Variants in CARD9 observed in about 807,000 individuals in gnomAD.
CARD9 encodes caspase recruitment domain family member 9.
CARD9 carries 53 observed loss-of-function variants against 66.0 expected under a neutral mutation model. The observed-to-expected ratio is 0.80, with a 90% CI of 0.64 to 1.01. CARD9 has a LOEUF of 1.01. Among genes scored for constraint, CARD9 ranks in the 50% least tolerant of loss-of-function variants. The probability of loss-of-function intolerance (pLI) is 0.00; values close to 1 mark genes in which losing one functional copy is unlikely to be tolerated. For synonymous variants in CARD9, 387 were observed against 313.8 expected (o/e 1.23, Z -2.47); for missense variants, 769 against 743.2 (o/e 1.03, Z -0.40).
At chr9:136,366,560 C>T in intron 10 of CARD9, 2 of 583,090 alleles carry the variant, frequency 3.4e-6, no homozygotes, top group Non-Finnish European at 6.1e-6. Context: ...GACCCCCACA[C>T]TCTCCACCCC....
chr9:136,371,801 T>C (rs1033214202), intron 2 of CARD9, 94 bp downstream of exon 2: 1 of 1,525,390 alleles, frequency 6.6e-7, no homozygotes, highest in Non-Finnish European at 8.8e-7. Context: ...GGGGCTCTCC[T>C]GGGGTTGAGG....
Position 136,370,859 on chromosome 9 carries a change from G to C in CARD9, c.609C>G (p.Asn203Lys), listed in dbSNP as rs780444469. 6.3e-7 allele frequency: 1 copy of C among 1,599,596 alleles called. No homozygotes were observed. Among genetic ancestry groups the C allele is most frequent in the Non-Finnish European group, 8.5e-7 (1 of 1,170,814 alleles). ...GGCGCACCTCCAGCTGCAGGTCACG[G>C]TTCCGCATGAGCGCGGCGCCCTTCT... ...SEEKGAALMR[N>K]RDLQLEIDQL... Residue 203 changes from asparagine to lysine, a missense_variant, in exon 4 of 13, where the codon AAC becomes AAG. Asn to Lys is a moderately conservative substitution (Grantham distance 94, BLOSUM62 0). Transcript: ENST00000371732.
chr9:136,367,888 G>C lies in CARD9; in HGVS notation c.1078-60C>G, dbSNP rs549380094. 5.8e-4 allele frequency: 879 copies of C among 1,527,624 alleles called. 12 individuals carry two copies. In the South Asian group the frequency reaches 6.3e-3, roughly 11 times the overall value. The allele number at this position is 1,527,624 out of a possible 1,614,324, so 94.6% of individuals were successfully genotyped here. Reference sequence around the variant, plus strand: ...GGCCCCAAGCTTGCCCTGGGCCCTCGGCCCGGCCGCCCAACTCCAAGCAGA... The same window carrying C: ...GGCCCCAAGCTTGCCCTGGGCCCTCCGCCCGGCCGCCCAACTCCAAGCAGA... On this transcript the variant is annotated intron_variant, in intron 7 of 12. Coordinates refer to ENST00000371732, the MANE Select transcript of CARD9 (RefSeq NM_052813.5).
intron 11 of CARD9, 85 bp from the exon 12 acceptor site, chr9:136,364,644 C>T: frequency 2.2e-6 from 3 of 1,357,820 alleles, no homozygotes; most frequent in Non-Finnish European, 3.0e-6. Context: ...GCCCCTGTAA[C>T]TGCAGACTGG....
chr9:136,368,010 A>C (rs1404228441), intron 7 of CARD9, 182 bp from the exon 8 acceptor site: 8 of 1,419,796 alleles, frequency 5.6e-6, no homozygotes, highest in Non-Finnish European at 7.3e-6. Flanking sequence ...GGGGGATTGT[A>C]AATGTGACAG....
chr9:136,370,036 AC>A, intron 6 of CARD9, 161 bp from the exon 7 acceptor site: 10 of 1,447,440 alleles, frequency 6.9e-6, no homozygotes, highest in Non-Finnish European at 9.2e-6. Flanking sequence ...GCACTTCCAG[AC>A]CGCGGCAGGA....
rs377708969 is a variant in CARD9, at chr9:136,371,921, T to C, written c.158A>G (p.Asn53Ser). 6 of 1,606,852 alleles carry C rather than the reference T, an allele frequency of 3.7e-6. No homozygotes were observed. Reference protein sequence around the residue: ...DDEEQVLSDPNLVIRKRKVGV... With the variant: ...DDEEQVLSDPSLVIRKRKVGV... ...CACTTTCCGTTTGCGGATGACCAGG[T>C]TGGGGTCGCTGAGCACCTGCTCCTC... The change falls in exon 2 of 13, where the codon AAC (asparagine) becomes AGC (serine). Residue 53 changes from asparagine (N) to serine (S), a missense_variant. Asn to Ser is a conservative substitution (Grantham distance 46). Transcript: ENST00000371732.
At chr9:136,367,550 C>T in intron 8 of CARD9, 87 bp downstream of exon 8, 2 of 1,448,448 alleles carry the variant, frequency 1.4e-6, no homozygotes, top group South Asian at 1.3e-5. Flanking sequence ...AGGGTTGGGT[C>T]GGGAAGGCCG....
Position 136,365,123 on chromosome 9 carries a change from A to G in CARD9, c.1434+18T>C, listed in dbSNP as rs1367526605. On this transcript the variant is annotated intron_variant, in intron 11 of 12. Transcript: ENST00000371732. Reference sequence around the variant, plus strand: ...TGAGGCCCACGGCTGGGAGGACCCCACCCCGGGGAAGCCTTACATGGGGGT... The same window carrying G: ...TGAGGCCCACGGCTGGGAGGACCCCGCCCCGGGGAAGCCTTACATGGGGGT... The G allele has an allele frequency of 6.2e-7, 1 of 1,609,868 alleles. No homozygotes were observed. Among genetic ancestry groups the G allele is most frequent in the African/African-American group, 1.3e-5 (1 of 74,806 alleles).
rs888151831 is a variant in CARD9, at chr9:136,364,361, C to G, written c.1552G>C (p.Gly518Arg). The G allele has an allele frequency of 1.9e-6, 3 of 1,570,002 alleles. No individual in the cohort carries two copies. The highest frequency in any genetic ancestry group is 1.2e-5 in the South Asian group (1 of 85,848). ...LRKMQKGWRQ[G>R]EEDRENTTGS... ...GTGGTGTTCTCCCGGTCCTCCTCCC[C>G]CTGCCGCCATCCTTTCTGCATCTTC... Residue 518 changes from glycine (G) to arginine (R), a missense_variant, in exon 13 of 13, where the codon GGG (glycine) becomes CGG (arginine). Coordinates refer to ENST00000371732, the MANE Select transcript of CARD9 (RefSeq NM_052813.5).
intron 3 of CARD9, 52 bp from the exon 4 acceptor site, chr9:136,371,197 C>T (rs767944571): frequency 5.0e-6 from 8 of 1,603,036 alleles, no homozygotes; most frequent in Non-Finnish European, 6.8e-6. Flanking sequence ...TGGCCCAGCT[C>T]CATCACGCCC....
At chr9:136,368,003 G>T in intron 7 of CARD9, 175 bp from the exon 8 acceptor site, 3 of 1,419,470 alleles carry the variant, frequency 2.1e-6, no homozygotes, top group Non-Finnish European at 1.8e-6. Context: ...AGCACGTGGG[G>T]GATTGTAAAT....
chr9:136,369,645 AAAT>A, intron 7 of CARD9, 102 bp downstream of exon 7: 1 of 1,525,598 alleles, frequency 6.6e-7, no homozygotes, highest in Non-Finnish European at 8.8e-7. Flanking sequence ...TCTCAAAAAC[AAAT>A]AACAAAGATT....
rs772118143 is a variant in CARD9 at position 136,369,863 on chromosome 9, TCTC to T, written c.961_963del (p.Glu321del). ...AGGCACTGCAGCTCGAACATCTCCTTCTCCTCCATGCACTGCAGGGGGCGGCAG... is the reference window on the plus strand; with the variant it reads ...AGGCACTGCAGCTCGAACATCTCCTTCTCCATGCACTGCAGGGGGCGGCAG... On this transcript the variant is annotated inframe_deletion, in exon 7 of 13. Transcript: ENST00000371732. 2 of 1,612,308 alleles carry T rather than the reference TCTC, an allele frequency of 1.2e-6. No individual in the cohort carries two copies. The highest frequency in any genetic ancestry group is 1.7e-5 in the Admixed American group (1 of 59,992).
At chr9:136,368,089 C>G in intron 7 of CARD9, 1 of 1,270,586 alleles carries the variant, frequency 7.9e-7, no homozygotes, top group Non-Finnish European at 1.0e-6. Flanking sequence ...TGCTATGTAC[C>G]CCCACACGTG....
At chr9:136,370,073 A>G (rs1056596642) in intron 6 of CARD9, 198 bp from the exon 7 acceptor site, 6 of 1,389,592 alleles carry the variant, frequency 4.3e-6, no homozygotes, top group African/African-American at 2.9e-5. Flanking sequence ...GGCCTCAGAC[A>G]CTGCTGTGCC....
rs527591244 is a variant in CARD9 at position 136,372,385 on chromosome 9, G to A, written c.-16-291C>T. Among the ~76,000 whole-genome samples, 10 of 152,312 alleles carry A rather than the reference G, an allele frequency of 6.6e-5. No individual in the cohort carries two copies. The South Asian group carries it at 1.4e-3, about 22-fold the overall frequency. ...GTTGGCATCCATGTCACCCAGATAC[G>A]CAGCGGGGGAGGCACAGATGGGGTC... On this transcript the variant is annotated intron_variant, in intron 1 of 12. Coordinates refer to ENST00000371732, the MANE Select transcript of CARD9 (RefSeq NM_052813.5).
chr9:136,373,646 T>C lies in CARD9; in HGVS notation c.-131A>G. 1 of 899,274 alleles carries C rather than the reference T, an allele frequency of 1.1e-6. No individual in the cohort carries two copies. Among genetic ancestry groups the C allele is most frequent in the Non-Finnish European group, 1.3e-6 (1 of 751,310 alleles). 55.7% of individuals were successfully genotyped at this position (899,274 alleles called of 1,614,324 possible). On this transcript the variant is annotated 5_prime_UTR_variant, in exon 1 of 13. Transcript: ENST00000371732. ...GAGGGAGGAGCACGCCGGACGCCTG[T>C]GCACTTCCTGATGGGTTCTGCTTAA...
Position 136,371,508 on chromosome 9 carries a change from G to C in CARD9, c.185-47C>G, listed in dbSNP as rs1028872488. 4 of 1,530,672 alleles carry C rather than the reference G, an allele frequency of 2.6e-6. No individual in the cohort carries two copies. In the African/African-American group the frequency reaches 5.5e-5, roughly 21 times the overall value. 94.8% of individuals were successfully genotyped at this position (1,530,672 alleles called of 1,614,324 possible). A position where few individuals can be genotyped will look rare whatever the true frequency, so the allele number is the denominator to read the frequency against. ...CTGGGGGCGGGGCACAGGCGAGGCA[G>C]AGGGCTGGGGTGGGTGGGCCTGGGG... On this transcript the variant is annotated intron_variant, in intron 2 of 12. Coordinates refer to ENST00000371732, the MANE Select transcript of CARD9 (RefSeq NM_052813.5).
Sources: allele counts gnomAD v4.1 joint callset (sites outside exome capture counted in the v4.1 genomes callset), GRCh38; gene constraint gnomAD v4.1.1; transcripts MANE v1.5; gene names NCBI Gene and HGNC (gene_info 2026-07-23, HGNC 2026-07-21).